KIRREL3: variants seen among roughly 807,000 people sequenced by gnomAD.
KIRREL3 encodes the protein kirre like nephrin family adhesion molecule 3.
A neutral mutation model predicts 89.7 loss-of-function variants in KIRREL3; 36 were observed. The ratio of observed to expected loss-of-function variants is 0.40; its 90% CI spans 0.31 to 0.53. The LOEUF is 0.53. KIRREL3 is among the 20% of genes least tolerant of loss of function. The pLI is 0.49. For missense variants in KIRREL3, 864 were observed against 1,056.6 expected (o/e 0.82, Z 2.53); for synonymous variants, 445 against 441.4 (o/e 1.01, Z -0.10).
At chr11:126,449,622 C>T (rs866106417) in intron 7 of KIRREL3, among the ~76,000 whole-genome samples, 5 of 152,242 alleles carry the variant, frequency 3.3e-5, no homozygotes, top group South Asian at 4.1e-4. Flanking sequence ...CATGCTCATA[C>T]GTGTGCACGA....
At position 126,424,674 on chromosome 11, in the gene KIRREL3, T is replaced by C. The variant is rs1375919720; in HGVS notation, c.2243A>G (p.Lys748Arg). 6.2e-7 allele frequency: 1 copy of C among 1,613,886 alleles called. No individual in the cohort carries two copies. The highest frequency in any genetic ancestry group is 1.3e-5 in the African/African-American group (1 of 74,936). ...DGYVQFDKASKASASSSHHSQ... is the reference protein window; with the variant it reads ...DGYVQFDKASRASASSSHHSQ... The stretch of plus-strand genomic sequence containing the variant: ...GTGGTGGGAGGAGGAAGCAGAAGCC[T>C]TGCTGGCCTTGTCGAACTGCACATA... The change falls in exon 17 of 17, where the codon AAG becomes AGG. Residue 748 changes from lysine (K) to arginine (R), a missense_variant. By Grantham distance (26) the Lys-to-Arg change is conservative. Coordinates refer to ENST00000525144, the MANE Select transcript of KIRREL3 (RefSeq NM_032531.4).
intron 1 of KIRREL3, among the ~76,000 whole-genome samples, chr11:126,980,453 T>C (rs577915032): frequency 6.6e-6 from 1 of 152,248 alleles, no homozygotes; most frequent in African/African-American, 2.4e-5. Context: ...CCAGTGGGCT[T>C]GCTGAGAAGG....
chr11:126,662,621 G>A (rs1945457742), intron 1 of KIRREL3, among the ~76,000 whole-genome samples: 1 of 152,172 alleles, frequency 6.6e-6, no homozygotes, highest in African/African-American at 2.4e-5. Flanking sequence ...TAATGAGGAA[G>A]GAAGTCTCAT....
intron 10 of KIRREL3, among the ~76,000 whole-genome samples, chr11:126,442,831 C>G (rs888806747): frequency 6.6e-6 from 1 of 152,248 alleles, no homozygotes; most frequent in Non-Finnish European, 1.5e-5. Flanking sequence ...AAGAAATAAA[C>G]AAGCAGCTTC....
At position 126,696,260 on chromosome 11, in the gene KIRREL3, TA is replaced by T. The variant is rs569075769; in HGVS notation, c.56-133349del. 0.019 allele frequency among the ~76,000 whole-genome samples: 2,453 copies of T among 130,408 alleles called. 13 individuals are homozygous for T. Among genetic ancestry groups the T allele is most frequent in the South Asian group, 0.047 (183 of 3,926 alleles). 85.6% of individuals were successfully genotyped at this position (130,408 alleles called of 152,430 possible). On this transcript the variant is annotated intron_variant, in intron 1 of 16. Transcript: ENST00000525144. The surrounding 1 kb of genome is among the most constrained non-coding windows in gnomAD (Gnocchi z 4.4). ...CCACTGAGCGAGACTCTATCTCAAT[TA>T]AAAAAAAAAAAAAAAGCCTGGATGG...
rs1187019634 is a variant in KIRREL3, at chr11:126,647,938, T to G, written c.56-85026A>C. Among the ~76,000 whole-genome samples the G allele has an allele frequency of 6.6e-6, 1 of 152,224 alleles. No homozygotes were observed. The highest frequency in any genetic ancestry group is 2.4e-5 in the African/African-American group (1 of 41,476). The stretch of plus-strand genomic sequence containing the variant: ...CTTAATCTTCACTCTTCCTTTTGCT[T>G]GCTTATACAGTTTGGATTTGTGTCC... On this transcript the variant is annotated intron_variant, in intron 1 of 16. Transcript: ENST00000525144. This position sits in a 1 kb window ranked among gnomAD's most constrained non-coding sequence, Gnocchi z 4.9.
chr11:126,440,819 T>C (rs576156003), intron 10 of KIRREL3: 4 of 543,290 alleles, frequency 7.4e-6, no homozygotes, highest in Non-Finnish European at 1.3e-5. Context: ...TGAGTGTTAG[T>C]ACCACAGGAG....
chr11:126,706,124 G>A (rs1221422277), intron 1 of KIRREL3, among the ~76,000 whole-genome samples: 1 of 152,210 alleles, frequency 6.6e-6, no homozygotes, highest in Non-Finnish European at 1.5e-5. Context: ...ACTATACGGA[G>A]CAGGTGAACC....
rs144579966 is a variant in KIRREL3 at position 126,628,249 on chromosome 11, T to C, written c.56-65337A>G. On this transcript the variant is annotated intron_variant, in intron 1 of 16. Coordinates refer to ENST00000525144, the MANE Select transcript of KIRREL3 (RefSeq NM_032531.4). This position sits in a 1 kb window ranked among gnomAD's most constrained non-coding sequence, Gnocchi z 5.2. ...ACCTGCTCACCACCCACCAATCCTG[T>C]CAGACTCTTTCTCTCCAGCCTGGCC... Among the ~76,000 whole-genome samples the C allele has an allele frequency of 2.7e-3, 412 of 152,248 alleles. 1 individual carries two copies. Among genetic ancestry groups the C allele is most frequent in the African/African-American group, 9.6e-3 (397 of 41,566 alleles).
At chr11:126,517,646 G>C (rs2134418043) in intron 4 of KIRREL3, among the ~76,000 whole-genome samples, 1 of 152,292 alleles carries the variant, frequency 6.6e-6, no homozygotes, top group East Asian at 1.9e-4. Flanking sequence ...TTTCTTCTAA[G>C]CCTCGGTCAC....
At chr11:126,493,141 GGCA>G (rs1487002648) in intron 4 of KIRREL3, among the ~76,000 whole-genome samples, 1 of 152,222 alleles carries the variant, frequency 6.6e-6, no homozygotes, top group Non-Finnish European at 1.5e-5. Context: ...TCTCAGGGCA[GGCA>G]GCAGCCCTCC....
Position 126,940,939 on chromosome 11 carries a change from G to C in KIRREL3, c.55+59516C>G, listed in dbSNP as rs779388900. ...AAATTGTCCTAGTGAGTTCACTTAT[G>C]TCTGGGTTACTGTAGATTTGGGTTT... On this transcript the variant is annotated intron_variant, in intron 1 of 16. Transcript: ENST00000525144. This position sits in a 1 kb window ranked among gnomAD's most constrained non-coding sequence, Gnocchi z 4.6. The C allele has an allele frequency of 2.0e-5, 3 of 151,828 alleles. No homozygotes were observed. The highest frequency in any genetic ancestry group is 4.4e-5 in the Non-Finnish European group (3 of 68,018). 9.4% of individuals were successfully genotyped at this position (151,828 alleles called of 1,614,324 possible).
chr11:126,654,265 G>C (rs1046816025), intron 1 of KIRREL3, among the ~76,000 whole-genome samples: 5 of 151,858 alleles, frequency 3.3e-5, no homozygotes, highest in African/African-American at 1.2e-4. Context: ...TAGCAGCTAG[G>C]ACTTTTACCA....
rs1945913733 is a variant in KIRREL3, at chr11:126,891,362, T to A, written c.55+109093A>T. Among the ~76,000 whole-genome samples, 1 of 152,196 alleles carries A rather than the reference T, an allele frequency of 6.6e-6. No individual in the cohort carries two copies. Among genetic ancestry groups the A allele is most frequent in the Admixed American group, 6.5e-5 (1 of 15,286 alleles). On this transcript the variant is annotated intron_variant, in intron 1 of 16. Coordinates refer to ENST00000525144, the MANE Select transcript of KIRREL3 (RefSeq NM_032531.4). The surrounding 1 kb of genome is among the most constrained non-coding windows in gnomAD (Gnocchi z 5.1). ...AGACATTGGTGGAAAAAAGATATAA[T>A]TTTAATTATCAGCAGCTCCACTTAA...
At position 126,969,880 on chromosome 11, in the gene KIRREL3, G is replaced by A. The variant is rs930241725; in HGVS notation, c.55+30575C>T. 6.6e-6 allele frequency among the ~76,000 whole-genome samples: 1 copy of A among 152,160 alleles called. No homozygotes were observed. The highest frequency in any genetic ancestry group is 2.4e-5 in the African/African-American group (1 of 41,438). The stretch of plus-strand genomic sequence containing the variant: ...CTCTGCATGGAAATGCAAAATGCTG[G>A]AGTCCAAACACATTCATAAAATAAT... On this transcript the variant is annotated intron_variant, in intron 1 of 16. Coordinates refer to ENST00000525144, the MANE Select transcript of KIRREL3 (RefSeq NM_032531.4). The surrounding 1 kb of genome is among the most constrained non-coding windows in gnomAD (Gnocchi z 4.9).
rs1307434968 is a variant in KIRREL3 at position 126,551,839 on chromosome 11, T to C, written c.133+10996A>G. On this transcript the variant is annotated intron_variant, in intron 2 of 16. Coordinates refer to ENST00000525144, the MANE Select transcript of KIRREL3 (RefSeq NM_032531.4). This position sits in a 1 kb window ranked among gnomAD's most constrained non-coding sequence, Gnocchi z 4.9. The stretch of plus-strand genomic sequence containing the variant: ...TTTTGTATTTTTAGTAGAGATGGGG[T>C]TTCACCATGTTAGTCAGGCTGGTCT... Among the ~76,000 whole-genome samples, 2 of 152,128 alleles carry C rather than the reference T, an allele frequency of 1.3e-5. No homozygotes were observed. The highest frequency in any genetic ancestry group is 4.8e-5 in the African/African-American group (2 of 41,422).
At chr11:126,572,149 T>C (rs1940981170) in intron 1 of KIRREL3, among the ~76,000 whole-genome samples, 1 of 152,134 alleles carries the variant, frequency 6.6e-6, no homozygotes, top group Non-Finnish European at 1.5e-5. Context: ...CATTTCTGCT[T>C]TCCTTATTTC....
rs995056654 is a variant in KIRREL3, at chr11:126,531,230, AGTTCAAGCTCTCGTT to A, written c.134-4558_134-4544del. Among the ~76,000 whole-genome samples, 26 of 152,090 alleles carry A rather than the reference AGTTCAAGCTCTCGTT, an allele frequency of 1.7e-4. No individual in the cohort carries two copies. The highest frequency in any genetic ancestry group is 6.3e-4 in the African/African-American group (26 of 41,396). ...TCTCTATTCCCACTGCTAGCACCCA[AGTTCAAGCTCTCGTT>A]GCCTCAACCTGGGCTCTTGCCACAG... On this transcript the variant is annotated intron_variant, in intron 2 of 16. Transcript: ENST00000525144. The surrounding 1 kb of genome is among the most constrained non-coding windows in gnomAD (Gnocchi z 4.7).
rs1045735787 is a variant in KIRREL3 at position 126,427,339 on chromosome 11, G to C, written c.1807-1615C>G. On this transcript the variant is annotated intron_variant, in intron 15 of 16. Transcript: ENST00000525144. The surrounding 1 kb of genome is among the most constrained non-coding windows in gnomAD (Gnocchi z 5.3). The stretch of plus-strand genomic sequence containing the variant: ...TGACCTTTGCCCTTGAGGAGCTCTG[G>C]GATAACTGGGGAAGCTGACATGGAA... Among the ~76,000 whole-genome samples the C allele has an allele frequency of 1.3e-5, 2 of 152,164 alleles. No homozygotes were observed. Among genetic ancestry groups the C allele is most frequent in the African/African-American group, 4.8e-5 (2 of 41,430 alleles).
Sources: gnomAD v4.1 joint callset for allele counts (sites outside exome capture counted in the v4.1 genomes callset) on GRCh38, gnomAD v4.1.1 for gene constraint, Gnocchi (gnomAD v3.1) non-coding constraint, MANE v1.5 for transcripts, NCBI Gene and HGNC (gene_info 2026-07-23, HGNC 2026-07-21) for gene names.